Variants in NDEL1 observed in about 807,000 individuals in gnomAD.
The protein encoded by NDEL1 is nudE neurodevelopment protein 1 like 1, also known as nuclear distribution protein nudE-like 1.
In NDEL1, 9 loss-of-function variants were observed where a neutral mutation model predicts 45.7. The ratio of observed to expected loss-of-function variants is 0.20; its 90% confidence interval spans 0.12 to 0.34. The LOEUF is 0.34. NDEL1 is among the 10% of genes least tolerant of loss of function. The pLI is 1.00. For missense variants in NDEL1, 306 were observed against 406.2 expected (o/e 0.75, Z 2.12); for synonymous variants, 133 against 158.6 (o/e 0.84, Z 1.21).
Position 8,454,948 on chromosome 17 carries a change from A to T in NDEL1, c.792+61A>T. On this transcript the variant is annotated intron_variant, in intron 7 of 8. Coordinates refer to ENST00000334527, the MANE Select transcript of NDEL1 (RefSeq NM_030808.5). The stretch of plus-strand genomic sequence containing the variant: ...TGACAAGGTATTGAATTATTTCTTA[A>T]TTTGAAGTGAGGGAAGAAAGAAAGG... 4 of 1,401,342 alleles carry T rather than the reference A, an allele frequency of 2.9e-6. No homozygotes were observed. The South Asian group carries it at 3.6e-5, about 12-fold the overall frequency. 86.8% of individuals were successfully genotyped at this position (1,401,342 alleles called of 1,614,324 possible). A position where few individuals can be genotyped will look rare whatever the true frequency, so the allele number is the denominator to read the frequency against.
chr17:8,449,740 T>G (rs181546398), intron 5 of NDEL1, among the ~76,000 whole-genome samples: 1 of 151,152 alleles, frequency 6.6e-6, no homozygotes, highest in Non-Finnish European at 1.5e-5. Flanking sequence ...GGCTGAATGA[T>G]ACTCCATTGT....
intron 5 of NDEL1, among the ~76,000 whole-genome samples, chr17:8,449,427 C>T (rs796598956): frequency 1.8e-4 from 27 of 152,286 alleles, no homozygotes; most frequent in African/African-American, 6.5e-4. Context: ...CTGTGCCTGG[C>T]TTCTTAATCA....
intron 5 of NDEL1, among the ~76,000 whole-genome samples, chr17:8,448,888 G>T (rs2151721698): frequency 6.6e-6 from 1 of 152,290 alleles, no homozygotes; most frequent in East Asian, 1.9e-4. Flanking sequence ...GCCAATTTTG[G>T]TGTAGGTGGG....
chr17:8,422,475 C>T (rs1908728173), intron 1 of NDEL1, among the ~76,000 whole-genome samples: 1 of 151,368 alleles, frequency 6.6e-6, no homozygotes, highest in Non-Finnish European at 1.5e-5. Context: ...TGCCCAGCCC[C>T]CTGCCTCCCC....
intron 1 of NDEL1, among the ~76,000 whole-genome samples, chr17:8,442,356 A>G (rs1447197990): frequency 6.6e-6 from 1 of 152,266 alleles, no homozygotes; most frequent in Non-Finnish European, 1.5e-5. Flanking sequence ...AGATGTTAAT[A>G]AAGTGGTACT....
intron 1 of NDEL1, among the ~76,000 whole-genome samples, chr17:8,421,088 T>C (rs1247026501): frequency 6.6e-6 from 1 of 152,234 alleles, no homozygotes; most frequent in Non-Finnish European, 1.5e-5. Flanking sequence ...ATGATTAACA[T>C]CAATTCTATA....
At chr17:8,462,111 C>G (rs947126290) in intron 8 of NDEL1, among the ~76,000 whole-genome samples, 2 of 151,594 alleles carry the variant, frequency 1.3e-5, no homozygotes, top group Non-Finnish European at 2.9e-5. Flanking sequence ...CTGACTGCAC[C>G]TCTGCCCCTT....
At chr17:8,452,400 A>G (rs144045179) in intron 6 of NDEL1, among the ~76,000 whole-genome samples, 2 of 152,296 alleles carry the variant, frequency 1.3e-5, no homozygotes, top group Non-Finnish European at 2.9e-5. Flanking sequence ...TCAAAAGGAC[A>G]TGGAGCCTGC....
At chr17:8,433,072 G>A (rs2313150), upstream of NDEL1, among the ~76,000 whole-genome samples, 2 of 151,710 alleles carry the variant, frequency 1.3e-5, no homozygotes, top group African/African-American at 2.4e-5. Context: ...CTGGTAAAGC[G>A]AAGTTTCATT....
At chr17:8,416,267 A>G (rs1441918153) in intron 1 of NDEL1, among the ~76,000 whole-genome samples, 1 of 152,084 alleles carries the variant, frequency 6.6e-6, no homozygotes, top group Non-Finnish European at 1.5e-5. Flanking sequence ...ATTACCTCAT[A>G]TGAGGAGAAT....
At chr17:8,466,877 A>G (rs1911629218) in intron 8 of NDEL1, 53 bp from the exon 9 acceptor site, 2 of 1,515,102 alleles carry the variant, frequency 1.3e-6, no homozygotes, top group Non-Finnish European at 1.8e-6. Context: ...GTGATTTTAA[A>G]TGAGTTTTTC....
At chr17:8,443,393 T>C (rs1469282089) in intron 1 of NDEL1, among the ~76,000 whole-genome samples, 3 of 152,076 alleles carry the variant, frequency 2.0e-5, no homozygotes, top group Non-Finnish European at 4.4e-5. Flanking sequence ...TAAGGATAAA[T>C]AGTAGTTTTC....
At chr17:8,469,120 CCTGAG>C (rs1911768505), downstream of NDEL1, among the ~76,000 whole-genome samples, 1 of 152,128 alleles carries the variant, frequency 6.6e-6, no homozygotes, top group African/African-American at 2.4e-5. Context: ...GAGATTTTGT[CCTGAG>C]CTGAGTCTCC....
chr17:8,470,441 GT>G, downstream of NDEL1, among the ~76,000 whole-genome samples: 1 of 152,290 alleles, frequency 6.6e-6, no homozygotes, highest in Non-Finnish European at 1.5e-5. This position sits in a 1 kb window ranked among gnomAD's most constrained non-coding sequence, Gnocchi z 4.2. Flanking sequence ...TTACAAGAGA[GT>G]AGTAGCCAGC....
At chr17:8,423,323 A>C (rs1000780932) in intron 1 of NDEL1, among the ~76,000 whole-genome samples, 1 of 152,172 alleles carries the variant, frequency 6.6e-6, no homozygotes, top group Non-Finnish European at 1.5e-5. Context: ...AGGTGTTTAG[A>C]AGGTATGAAA....
At chr17:8,427,672 CA>C (rs1304426496) in intron 1 of NDEL1, among the ~76,000 whole-genome samples, 1 of 152,146 alleles carries the variant, frequency 6.6e-6, no homozygotes, top group Non-Finnish European at 1.5e-5. Context: ...CGCGCCACTG[CA>C]CTCCAGCCTG....
chr17:8,461,576 C>T (rs1408872939), intron 8 of NDEL1, among the ~76,000 whole-genome samples: 2 of 152,146 alleles, frequency 1.3e-5, no homozygotes, highest in African/African-American at 4.8e-5. Flanking sequence ...ATTGGGTTTC[C>T]TCGGGTGGAG....
At chr17:8,428,323 G>GGGGTGT (rs1555556558) in intron 1 of NDEL1, among the ~76,000 whole-genome samples, 1 of 62,044 alleles carries the variant, frequency 1.6e-5, no homozygotes, top group Admixed American at 1.6e-4. Flanking sequence ...AAGTGTGTGT[G>GGGGTGT]GTGTGTGTGT....
rs377510413 is a variant in NDEL1 at position 8,459,032 on chromosome 17, A to G, written c.793-977A>G. ...CAGGAATGAGCCACTGCACCCAACC[A>G]TTGTTGCTGTTTCTGAATAGCTGTT... On this transcript the variant is annotated intron_variant, in intron 7 of 8. Transcript: ENST00000334527. Among the ~76,000 whole-genome samples the G allele has an allele frequency of 2.3e-3, 345 of 152,172 alleles. 2 individuals carry two copies. Among genetic ancestry groups the G allele is most frequent in the African/African-American group, 7.9e-3 (329 of 41,518 alleles).
Sources: allele counts gnomAD v4.1 joint callset (sites outside exome capture counted in the v4.1 genomes callset), GRCh38; gene constraint gnomAD v4.1.1; non-coding constraint Gnocchi (gnomAD v3.1); transcripts MANE v1.5; gene names NCBI Gene and HGNC (gene_info 2026-07-23, HGNC 2026-07-21).